The following PITPNC1 variants were observed in gnomAD, a reference collection of about 807,000 sequenced individuals.
The protein encoded by PITPNC1 is cytoplasmic phosphatidylinositol transfer protein 1.
Under a neutral mutation model 44.7 loss-of-function variants are expected in PITPNC1, and 18 were observed. The observed-to-expected ratio is 0.40, with a 90% CI of 0.28 to 0.60. The LOEUF is 0.60. Among genes scored for constraint, PITPNC1 ranks in the 20% least tolerant of loss-of-function variants. PITPNC1 has a pLI of 0.39. For missense variants in PITPNC1, 290 were observed against 418.4 expected, an observed-to-expected ratio of 0.69 and a Z score of 2.68; for synonymous variants, 141 against 149.6, an observed-to-expected ratio of 0.94 and a Z score of 0.42.
chr17:67,690,223 G>C (rs2042895082), intron 8 of PITPNC1, among the ~76,000 whole-genome samples: 1 of 152,118 alleles, frequency 6.6e-6, no homozygotes, highest in South Asian at 2.1e-4. Context: ...TGAGGTGGAC[G>C]GATGACCTGA....
intron 5 of PITPNC1, among the ~76,000 whole-genome samples, chr17:67,609,794 A>T (rs1401712260): frequency 6.6e-6 from 1 of 152,020 alleles, no homozygotes; most frequent in African/African-American, 2.4e-5. Flanking sequence ...TCCAAAAAAA[A>T]AAAAAGCCAC....
At chr17:67,582,152 C>T (rs1387129748) in intron 5 of PITPNC1, among the ~76,000 whole-genome samples, 5 of 152,144 alleles carry the variant, frequency 3.3e-5, no homozygotes, top group African/African-American at 7.2e-5. Flanking sequence ...AATTACTAAA[C>T]GCTAGCTTTA....
At position 67,570,976 on chromosome 17, in the gene PITPNC1, C is replaced by T. The variant is rs139001250; in HGVS notation, c.295-7210C>T. 3.2e-3 allele frequency among the ~76,000 whole-genome samples: 493 copies of T among 152,242 alleles called. 4 individuals are homozygous for T. The highest frequency in any genetic ancestry group is 0.011 in the African/African-American group (473 of 41,550). ...GGAACTAATAAGTCAGAAAAAGCAC[C>T]AATTCCCCCTTCCCTTGCACTTGCT... On this transcript the variant is annotated intron_variant, in intron 4 of 8. Coordinates refer to ENST00000581322, the MANE Select transcript of PITPNC1 (RefSeq NM_012417.4).
At position 67,677,632 on chromosome 17, in the gene PITPNC1, ATC is replaced by A. The variant is rs2042626633; in HGVS notation, c.682+2093_682+2094del. 2.6e-5 allele frequency among the ~76,000 whole-genome samples: 4 copies of A among 151,742 alleles called. No individual in the cohort carries two copies. In the South Asian group the frequency reaches 8.3e-4, roughly 32 times the overall value. ...GTACGGACTGGAGTGCAATGGCACA[ATC>A]TCGGCTCACTGCAACCTCCGCCTCC... On this transcript the variant is annotated intron_variant, in intron 8 of 8. Transcript: ENST00000581322.
At chr17:67,448,345 G>A (rs1397847427) in intron 1 of PITPNC1, among the ~76,000 whole-genome samples, 2 of 152,182 alleles carry the variant, frequency 1.3e-5, no homozygotes, top group Non-Finnish European at 2.9e-5. Flanking sequence ...GTCACTGAGT[G>A]TGTGGATGTG....
chr17:67,520,914 T>C (rs945508242), intron 1 of PITPNC1, among the ~76,000 whole-genome samples: 1 of 152,228 alleles, frequency 6.6e-6, no homozygotes, highest in African/African-American at 2.4e-5. Context: ...CTGCATGTTA[T>C]CATCTCGGCT....
intron 4 of PITPNC1, among the ~76,000 whole-genome samples, chr17:67,561,450 T>C (rs1032878412): frequency 6.6e-6 from 1 of 151,216 alleles, no homozygotes. Flanking sequence ...TGTAAGACTC[T>C]GTCTCAAAAA....
chr17:67,531,740 G>A (rs1232666617), intron 1 of PITPNC1, among the ~76,000 whole-genome samples: 1 of 152,142 alleles, frequency 6.6e-6, no homozygotes, highest in Non-Finnish European at 1.5e-5. Context: ...TTAGTTTGTT[G>A]CAGACTCAGG....
chr17:67,415,395 G>A lies in PITPNC1; in HGVS notation c.48+37193G>A, dbSNP rs563977181. 2.6e-5 allele frequency among the ~76,000 whole-genome samples: 4 copies of A among 152,254 alleles called. No homozygotes were observed. In the South Asian group the frequency reaches 8.3e-4, roughly 32 times the overall value. On this transcript the variant is annotated intron_variant, in intron 1 of 8. Coordinates refer to ENST00000581322, the MANE Select transcript of PITPNC1 (RefSeq NM_012417.4). ...TTGTAAGTTTCCTAACAAGACGCAC[G>A]TCATCGTCTCCAAATCCTTTGGGTC...
intron 5 of PITPNC1, among the ~76,000 whole-genome samples, chr17:67,624,281 G>A (rs2041869575): frequency 7.4e-6 from 1 of 134,902 alleles, no homozygotes; most frequent in African/African-American, 2.8e-5. Context: ...GCACACTCAC[G>A]GCTCATTGCA....
At chr17:67,599,033 T>TATATATATATATATA in intron 5 of PITPNC1, among the ~76,000 whole-genome samples, 1 of 29,788 alleles carries the variant, frequency 3.4e-5, no homozygotes, top group Non-Finnish European at 5.9e-5. Context: ...TATATATATA[T>TATATATATATATATA]ATTTTTTTTT....
chr17:67,680,115 G>A (rs1384254818), intron 8 of PITPNC1, among the ~76,000 whole-genome samples: 2 of 152,156 alleles, frequency 1.3e-5, no homozygotes, highest in African/African-American at 2.4e-5. Flanking sequence ...AATGGAGAAA[G>A]AAGCCTGCTA....
chr17:67,568,324 G>A (rs984464630), intron 4 of PITPNC1, among the ~76,000 whole-genome samples: 5 of 152,128 alleles, frequency 3.3e-5, no homozygotes, highest in Non-Finnish European at 4.4e-5. Context: ...TAGGAGTTGC[G>A]TACATTGTGG....
At chr17:67,656,518 C>T (rs1405599840) in intron 6 of PITPNC1, among the ~76,000 whole-genome samples, 1 of 152,158 alleles carries the variant, frequency 6.6e-6, no homozygotes, top group Non-Finnish European at 1.5e-5. Context: ...AGATCACGTT[C>T]ATAGATAGAT....
At chr17:67,617,162 G>A (rs561999658) in intron 5 of PITPNC1, among the ~76,000 whole-genome samples, 2 of 152,318 alleles carry the variant, frequency 1.3e-5, no homozygotes, top group East Asian at 3.9e-4. Flanking sequence ...AGCTTTTCTG[G>A]CTACAGGGAC....
chr17:67,569,074 A>G (rs898044525), intron 4 of PITPNC1, among the ~76,000 whole-genome samples: 2 of 150,728 alleles, frequency 1.3e-5, no homozygotes, highest in African/African-American at 4.9e-5. Context: ...TGCAGCCACT[A>G]TCGTCTCTCT....
intron 1 of PITPNC1, chr17:67,524,487 T>A (rs948675892): frequency 6.6e-6 from 1 of 151,912 alleles, no homozygotes; most frequent in African/African-American, 2.4e-5. Context: ...GCAAGTGAAG[T>A]TAATTTTAAA....
intron 6 of PITPNC1, among the ~76,000 whole-genome samples, chr17:67,665,147 C>T (rs2042404389): frequency 6.6e-6 from 1 of 152,130 alleles, no homozygotes; most frequent in Admixed American, 6.6e-5. Context: ...GGCTAGAGTG[C>T]AGTGGCATGT....
intron 1 of PITPNC1, among the ~76,000 whole-genome samples, chr17:67,531,451 G>C (rs935758470): frequency 1.3e-5 from 2 of 152,074 alleles, no homozygotes; most frequent in Non-Finnish European, 2.9e-5. Context: ...AGACCCAGAC[G>C]GCAGCTTGCT....
Sources: allele counts gnomAD v4.1 joint callset (sites outside exome capture counted in the v4.1 genomes callset), GRCh38; gene constraint gnomAD v4.1.1; transcripts MANE v1.5; gene names NCBI Gene and HGNC (gene_info 2026-07-23, HGNC 2026-07-21).